Variants in CTNNA2 observed in about 807,000 individuals in gnomAD.
CTNNA2 encodes the protein catenin alpha-2.
CTNNA2 carries 42 observed loss-of-function variants against 101.0 expected under a neutral mutation model. The ratio of observed to expected loss-of-function variants is 0.42; its 90% CI spans 0.32 to 0.54. CTNNA2 has a LOEUF of 0.54. CTNNA2 is among the 20% of genes least tolerant of loss of function. The pLI, the probability that CTNNA2 is intolerant of heterozygous loss-of-function variation, is 0.14. For missense variants in CTNNA2, 871 were observed against 1,223.1 expected, an observed-to-expected ratio of 0.71 and a Z score of 4.29; for synonymous variants, 450 against 456.4, an observed-to-expected ratio of 0.99 and a Z score of 0.18.
rs528915073 is a variant in CTNNA2 at position 80,038,790 on chromosome 2, A to G, written c.1056+128993A>G. Among the ~76,000 whole-genome samples the G allele has an allele frequency of 2.4e-4, 36 of 152,338 alleles. 1 individual carries two copies. The highest frequency in any genetic ancestry group is 5.2e-4 in the Admixed American group (8 of 15,300). ...GAACCCAGGAAGTGGTGGAGGTTGC[A>G]GTGAGCTGAGATTGTGCCACTGCAC... On this transcript the variant is annotated intron_variant, in intron 7 of 18. Coordinates refer to ENST00000402739, the MANE Select transcript of CTNNA2 (RefSeq NM_001282597.3).
intron 1 of CTNNA2, among the ~76,000 whole-genome samples, chr2:79,581,869 A>AT (rs779204365): frequency 1.3e-5 from 2 of 152,208 alleles, no homozygotes; most frequent in Non-Finnish European, 2.9e-5. Flanking sequence ...TTCTTTCTTA[A>AT]TCTAACTCAT....
intron 7 of CTNNA2, among the ~76,000 whole-genome samples, chr2:80,246,304 G>A (rs1671326858): frequency 1.3e-5 from 2 of 152,182 alleles, no homozygotes; most frequent in Non-Finnish European, 2.9e-5. Context: ...ATAAATTGCT[G>A]TTAATTGCTA....
At chr2:80,306,400 T>TTTTCTTTTCTTTCTTTCTTTC (rs1491389570) in intron 7 of CTNNA2, among the ~76,000 whole-genome samples, 32 of 109,270 alleles carry the variant, frequency 2.9e-4, no homozygotes, top group South Asian at 1.3e-3. Context: ...TTTTCTTTTC[T>TTTTCTTTTCTTTCTTTCTTTC]TTTCTTTCTT....
At chr2:80,446,364 A>G (rs1260573425) in intron 9 of CTNNA2, among the ~76,000 whole-genome samples, 3 of 152,172 alleles carry the variant, frequency 2.0e-5, no homozygotes, top group African/African-American at 7.2e-5. Flanking sequence ...ATAGAAACAC[A>G]CTATCTTGAA....
intron 9 of CTNNA2, among the ~76,000 whole-genome samples, chr2:80,497,191 C>G (rs545087719): frequency 2.0e-5 from 3 of 152,264 alleles, no homozygotes; most frequent in African/African-American, 7.2e-5. Flanking sequence ...ATTTTACTAT[C>G]ATATGAGCTC....
At chr2:79,586,781 G>A (rs1676519721) in intron 1 of CTNNA2, among the ~76,000 whole-genome samples, 1 of 152,038 alleles carries the variant, frequency 6.6e-6, no homozygotes, top group African/African-American at 2.4e-5. Flanking sequence ...CCTGAGCAGT[G>A]TACACTGTAC....
chr2:80,177,142 G>A (rs1043544233), intron 7 of CTNNA2, among the ~76,000 whole-genome samples: 2 of 152,150 alleles, frequency 1.3e-5, no homozygotes, highest in Non-Finnish European at 2.9e-5. Context: ...AACATGGTGA[G>A]ACCAGTGGGT....
chr2:79,722,940 A>G (rs1686582135), intron 2 of CTNNA2, among the ~76,000 whole-genome samples: 1 of 152,252 alleles, frequency 6.6e-6, no homozygotes, highest in South Asian at 2.1e-4. Flanking sequence ...ATTTCTACAA[A>G]AGTGAACCAC....
chr2:80,639,292 C>A (rs889400475), intron 18 of CTNNA2, among the ~76,000 whole-genome samples: 1 of 152,158 alleles, frequency 6.6e-6, no homozygotes, highest in Non-Finnish European at 1.5e-5. Context: ...TCACTACAAC[C>A]TCCGCCTCCT....
intron 7 of CTNNA2, among the ~76,000 whole-genome samples, chr2:80,221,244 A>T (rs964348615): frequency 1.3e-5 from 2 of 152,200 alleles, no homozygotes; most frequent in African/African-American, 4.8e-5. Flanking sequence ...ATAGGTTCTG[A>T]TAGCTCATTA....
chr2:79,452,227 G>A (rs532521260), intron 4 of CTNNA2, among the ~76,000 whole-genome samples: 4 of 152,168 alleles, frequency 2.6e-5, no homozygotes, highest in African/African-American at 9.6e-5. Flanking sequence ...CATTGATTGA[G>A]ACACAAGTTT....
intron 9 of CTNNA2, among the ~76,000 whole-genome samples, chr2:80,476,782 G>A (rs993529278): frequency 8.5e-5 from 13 of 152,056 alleles, no homozygotes; most frequent in Admixed American, 5.3e-4. Context: ...AAAATAGAAT[G>A]CCCTCCAAGG....
chr2:79,824,643 C>T (rs1025325634), intron 3 of CTNNA2, among the ~76,000 whole-genome samples: 1 of 132,884 alleles, frequency 7.5e-6, no homozygotes, highest in African/African-American at 2.6e-5. Context: ...AATGATCTTA[C>T]ACAAGATATT....
chr2:79,245,400 A>T (rs1216844052), intron 2 of CTNNA2, among the ~76,000 whole-genome samples: 1 of 152,236 alleles, frequency 6.6e-6, no homozygotes, highest in Non-Finnish European at 1.5e-5. Context: ...CAGTCAGCTG[A>T]GATCGTGCCA....
At chr2:79,460,973 C>T (rs1185255409) in intron 4 of CTNNA2, among the ~76,000 whole-genome samples, 1 of 152,176 alleles carries the variant, frequency 6.6e-6, no homozygotes, top group Non-Finnish European at 1.5e-5. Flanking sequence ...TCCCAAGTAG[C>T]TGGGATTACA....
chr2:79,770,606 A>T (rs1573925379), intron 3 of CTNNA2, among the ~76,000 whole-genome samples: 1 of 152,240 alleles, frequency 6.6e-6, no homozygotes, highest in South Asian at 2.1e-4. Flanking sequence ...AAATGTCAGT[A>T]TTTAACATTT....
chr2:79,917,114 C>CA (rs1219634820), intron 7 of CTNNA2, among the ~76,000 whole-genome samples: 2 of 151,690 alleles, frequency 1.3e-5, no homozygotes, highest in African/African-American at 4.8e-5. Context: ...GCTTTGTGGC[C>CA]AGGCTGTAGT....
At chr2:80,266,788 A>T (rs142339488) in intron 7 of CTNNA2, among the ~76,000 whole-genome samples, 7 of 152,276 alleles carry the variant, frequency 4.6e-5, no homozygotes, top group African/African-American at 1.4e-4. Flanking sequence ...GCAGAATGAG[A>T]GATCTGTGTG....
At chr2:80,053,119 C>G (rs1203346127) in intron 7 of CTNNA2, among the ~76,000 whole-genome samples, 1 of 152,166 alleles carries the variant, frequency 6.6e-6, no homozygotes, top group Non-Finnish European at 1.5e-5. Flanking sequence ...TTTGTTACCA[C>G]AGACTTCAGC....
Sources: gnomAD v4.1 joint callset for allele counts (sites outside exome capture counted in the v4.1 genomes callset) on GRCh38, gnomAD v4.1.1 for gene constraint, MANE v1.5 for transcripts, NCBI Gene and HGNC (gene_info 2026-07-23, HGNC 2026-07-21) for gene names.